Variants in FBXW12 observed in about 807,000 individuals in gnomAD.
FBXW12 encodes F-box and WD repeat domain containing 12, also known as F-box/WD repeat-containing protein 12.
FBXW12 carries 43 observed loss-of-function variants against 55.3 expected under a neutral mutation model. That is an observed-to-expected ratio of 0.78 (90% confidence interval 0.61 to 1.00). The LOEUF is 1.00. Ranked by LOEUF, FBXW12 falls within the 50% of genes least tolerant of loss-of-function variation. FBXW12 has a pLI of 0.00. For synonymous variants in FBXW12, 184 were observed against 203.8 expected, an observed-to-expected ratio of 0.90 and a Z score of 0.83; for missense variants, 524 against 560.5, an observed-to-expected ratio of 0.93 and a Z score of 0.66.
At chr3:48,372,948 C>T in intron 2 of FBXW12, 91 bp downstream of exon 2, 1 of 1,225,184 alleles carries the variant, frequency 8.2e-7, no homozygotes, top group East Asian at 2.3e-5. Flanking sequence ...GAGGGTTACA[C>T]TGAGGCTTTG....
chr3:48,381,688 A>C lies in FBXW12; in HGVS notation c.986-12A>C. ...GTGTGTGTATATATATGTGCGTTTTACATGAAAACAGCATATGAGATCGCA... is the reference window on the plus strand; with the variant it reads ...GTGTGTGTATATATATGTGCGTTTTCCATGAAAACAGCATATGAGATCGCA... On this transcript the variant is annotated splice_polypyrimidine_tract_variant and intron_variant, in intron 8 of 10. Coordinates refer to ENST00000296438, the MANE Select transcript of FBXW12 (RefSeq NM_207102.2). 1 of 1,545,014 alleles carries C rather than the reference A, an allele frequency of 6.5e-7. No individual in the cohort carries two copies.
At chr3:48,380,668 C>G (rs1200966837) in intron 7 of FBXW12, 34 bp from the exon 8 acceptor site, 1 of 1,533,284 alleles carries the variant, frequency 6.5e-7, no homozygotes, top group Admixed American at 1.7e-5. Context: ...TATAAGTTCC[C>G]TGCCCCTGAC....
chr3:48,375,520 C>A, intron 5 of FBXW12, 48 bp downstream of exon 5: 1 of 1,119,866 alleles, frequency 8.9e-7, no homozygotes, highest in Non-Finnish European at 1.3e-6. Flanking sequence ...TTGCATCCAT[C>A]CTGTTCTATA....
rs767385161 is a variant in FBXW12 at position 48,382,005 on chromosome 3, G to A, written c.1215G>A (p.Met405Ile). ...CCGAGAACTCTGTGCACGTGTACAT[G>A]TGGGAAGAAGGAGGCCGCCATCCAT... ...TTSENSVHVY[M>I]WEEGGRHPYL... Residue 405 changes from methionine (M) to isoleucine (I), a missense_variant, in exon 10 of 11, where the codon ATG (methionine) becomes ATA (isoleucine). Physicochemically the swap from Met to Ile is conservative, Grantham distance 10. Transcript: ENST00000296438. 6.2e-7 allele frequency: 1 copy of A among 1,614,198 alleles called. No individual in the cohort carries two copies. The highest frequency in any genetic ancestry group is 8.5e-7 in the Non-Finnish European group (1 of 1,180,032).
At chr3:48,384,712 CA>C (rs2036821215) in intron 10 of FBXW12, among the ~76,000 whole-genome samples, 1 of 152,056 alleles carries the variant, frequency 6.6e-6, no homozygotes, top group African/African-American at 2.4e-5. Context: ...TTTTTGTTGT[CA>C]TGAATAGATG....
In FBXW12 at chr3:48,391,947, T is replaced by C. The variant is rs58888583; in HGVS notation, c.1296-2613T>C. Among the ~76,000 whole-genome samples, 576 of 152,306 alleles carry C rather than the reference T, an allele frequency of 3.8e-3. 28 individuals carry two copies. The East Asian group carries it at 0.093, about 25-fold the overall frequency. On this transcript the variant is annotated intron_variant, in intron 10 of 10. Coordinates refer to ENST00000296438, the MANE Select transcript of FBXW12 (RefSeq NM_207102.2). ...CATCAGGGATATTAGCCTGTAGTTT[T>C]CCTTTTTCATTGCCAGTACCATTTA...
At chr3:48,383,240 T>G (rs1483244955) in intron 10 of FBXW12, among the ~76,000 whole-genome samples, 1 of 152,234 alleles carries the variant, frequency 6.6e-6, no homozygotes, top group Non-Finnish European at 1.5e-5. Flanking sequence ...AATACTTATT[T>G]CCTTTCAATA....
At chr3:48,374,149 C>A (rs908434063) in intron 4 of FBXW12, among the ~76,000 whole-genome samples, 4 of 152,014 alleles carry the variant, frequency 2.6e-5, no homozygotes, top group Admixed American at 6.6e-5. Context: ...TGAGACCCCC[C>A]CTCCATCTCT....
chr3:48,382,396 G>A lies in FBXW12; in HGVS notation c.1295+311G>A, dbSNP rs192968718. Among the ~76,000 whole-genome samples, 593 of 152,158 alleles carry A rather than the reference G, an allele frequency of 3.9e-3. 4 individuals carry two copies. Among genetic ancestry groups the A allele is most frequent in the South Asian group, 0.016 (77 of 4,824 alleles). On this transcript the variant is annotated intron_variant, in intron 10 of 10. Coordinates refer to ENST00000296438, the MANE Select transcript of FBXW12 (RefSeq NM_207102.2). The stretch of plus-strand genomic sequence containing the variant: ...TCCCAAAGTGCTGGATTACAGGCGT[G>A]AGCCACCGCACCCTGCCGAAAACTT...
intron 7 of FBXW12, chr3:48,379,832 T>C (rs2036740707): frequency 5.2e-6 from 2 of 382,398 alleles, no homozygotes; most frequent in Non-Finnish European, 9.8e-6. Flanking sequence ...GAAATAGGGA[T>C]TGCTGGGCAT....
intron 4 of FBXW12, among the ~76,000 whole-genome samples, chr3:48,374,520 G>T (rs1449745785): frequency 3.9e-5 from 6 of 152,046 alleles, no homozygotes; most frequent in Admixed American, 6.5e-5. Flanking sequence ...TACAGATGGG[G>T]TTTCACCATA....
chr3:48,389,857 CTTGAG>C (rs751447565), intron 10 of FBXW12, among the ~76,000 whole-genome samples: 4 of 152,166 alleles, frequency 2.6e-5, no homozygotes, highest in Admixed American at 6.5e-5. Flanking sequence ...TTTAATCTGT[CTTGAG>C]TTAATTTTGG....
intron 4 of FBXW12, among the ~76,000 whole-genome samples, chr3:48,374,780 TTTTTTTAA>T (rs1181629604): frequency 2.8e-5 from 4 of 141,792 alleles, no homozygotes; most frequent in Non-Finnish European, 6.2e-5. Flanking sequence ...TTTTTTTTTT[TTTTTTTAA>T]AAACAGAGTC....
chr3:48,373,242 C>T, intron 2 of FBXW12, 66 bp from the exon 3 acceptor site: 8 of 1,611,450 alleles, frequency 5.0e-6, no homozygotes, highest in South Asian at 4.4e-5. Flanking sequence ...CAAATAATAG[C>T]AGAGGATTAC....
intron 5 of FBXW12, among the ~76,000 whole-genome samples, chr3:48,376,320 T>C (rs551375288): frequency 6.6e-6 from 1 of 152,126 alleles, no homozygotes; most frequent in Non-Finnish European, 1.5e-5. Flanking sequence ...ATATATAAAT[T>C]TGTATAAGGT....
At chr3:48,384,633 C>T (rs529245256) in intron 10 of FBXW12, among the ~76,000 whole-genome samples, 1 of 152,280 alleles carries the variant, frequency 6.6e-6, no homozygotes, top group South Asian at 2.1e-4. Flanking sequence ...ATTATATTCA[C>T]TGTATGTTTT....
At chr3:48,380,195 C>G (rs1292123884) in intron 7 of FBXW12, 1 of 150,786 alleles carries the variant, frequency 6.6e-6, no homozygotes, top group African/African-American at 2.5e-5. Context: ...TTCTCTTTTG[C>G]CTTCTTTACT....
chr3:48,372,361 G>A (rs1420093551), intron 1 of FBXW12, 41 bp downstream of exon 1: 3 of 1,549,844 alleles, frequency 1.9e-6, no homozygotes, highest in South Asian at 1.2e-5. Flanking sequence ...AATTCCAGGA[G>A]TTTGGAACTT....
intron 10 of FBXW12, among the ~76,000 whole-genome samples, chr3:48,382,319 G>A (rs1306107600): frequency 6.6e-6 from 1 of 152,138 alleles, no homozygotes; most frequent in East Asian, 1.9e-4. Context: ...GTTTCCCCAT[G>A]TTGGCCAGGA....
Sources: allele counts gnomAD v4.1 joint callset (sites outside exome capture counted in the v4.1 genomes callset), GRCh38; gene constraint gnomAD v4.1.1; transcripts MANE v1.5; gene names NCBI Gene and HGNC (gene_info 2026-07-23, HGNC 2026-07-21).